Variants in ANP32B observed in about 807,000 individuals in gnomAD.
ANP32B encodes acidic leucine-rich nuclear phosphoprotein 32 family member B.
Under a neutral mutation model 32.2 loss-of-function variants are expected in ANP32B, and 6 were observed. The ratio of observed to expected loss-of-function variants is 0.19; its 90% CI spans 0.10 to 0.37. The LOEUF (loss-of-function observed/expected upper bound fraction) is 0.37. ANP32B is among the 10% of genes least tolerant of loss of function. ANP32B has a pLI of 1.00. For missense variants in ANP32B, 204 were observed against 289.2 expected, an observed-to-expected ratio of 0.71 and a Z score of 2.14; for synonymous variants, 98 against 105.8, an observed-to-expected ratio of 0.93 and a Z score of 0.45.
intron 6 of ANP32B, among the ~76,000 whole-genome samples, chr9:98,012,923 G>A (rs1221546526): frequency 6.6e-6 from 1 of 152,194 alleles, no homozygotes; most frequent in Non-Finnish European, 1.5e-5. Context: ...GTAGAGACGG[G>A]GTTTCACCGT....
At chr9:98,013,015 C>T (rs1828214360) in intron 6 of ANP32B, among the ~76,000 whole-genome samples, 1 of 152,204 alleles carries the variant, frequency 6.6e-6, no homozygotes, top group African/African-American at 2.4e-5. Flanking sequence ...CAGGCGTGAG[C>T]CACCACACCC....
intron 1 of ANP32B, chr9:97,986,865 A>T (rs1456499032): frequency 6.6e-6 from 1 of 152,266 alleles, no homozygotes; most frequent in African/African-American, 2.4e-5. Context: ...TTTTAAAGTC[A>T]AGTGAGATTT....
rs115385523 is a variant in ANP32B at position 97,996,141 on chromosome 9, A to G, written c.204+1361A>G. Among the ~76,000 whole-genome samples the G allele has an allele frequency of 5.4e-3, 826 of 152,288 alleles. 13 individuals are homozygous for G. Among genetic ancestry groups the G allele is most frequent in the African/African-American group, 0.019 (789 of 41,560 alleles). ...TTCTTTTATATTTGCATGGGTTATCAGTGACATTGGAAGCTCTGATTAGCC... is the reference window on the plus strand; with the variant it reads ...TTCTTTTATATTTGCATGGGTTATCGGTGACATTGGAAGCTCTGATTAGCC... On this transcript the variant is annotated intron_variant, in intron 2 of 6. Transcript: ENST00000339399.
intron 1 of ANP32B, among the ~76,000 whole-genome samples, chr9:97,988,313 T>A (rs1171108729): frequency 6.6e-6 from 1 of 152,206 alleles, no homozygotes; most frequent in Non-Finnish European, 1.5e-5. Context: ...TTTTTCCATC[T>A]GCCAGATTGC....
intron 3 of ANP32B, among the ~76,000 whole-genome samples, chr9:98,002,078 C>G (rs1194123057): frequency 1.3e-5 from 2 of 152,176 alleles, no homozygotes; most frequent in Non-Finnish European, 2.9e-5. Context: ...TCCTGAAGTT[C>G]TAACTTGGAA....
chr9:98,005,043 T>G lies in ANP32B; in HGVS notation c.407T>G (p.Phe136Cys). 3 of 1,614,004 alleles carry G rather than the reference T, an allele frequency of 1.9e-6. No homozygotes were observed. Among genetic ancestry groups the G allele is most frequent in the Non-Finnish European group, 2.5e-6 (3 of 1,179,990 alleles). ...CTGAATGACTACCGAGAGAGTGTCT[T>G]CAAGCTCCTGCCCCAGCTTACCTAC... ...TNLNDYRESV[F>C]KLLPQLTYLD... Residue 136 changes from phenylalanine to cysteine, a missense_variant, in exon 4 of 7, where the codon TTC (phenylalanine) becomes TGC (cysteine). Physicochemically the swap from Phe to Cys is radical, Grantham distance 205. Transcript: ENST00000339399.
At chr9:97,997,518 A>C (rs1827925371) in intron 2 of ANP32B, among the ~76,000 whole-genome samples, 1 of 152,244 alleles carries the variant, frequency 6.6e-6, no homozygotes, top group African/African-American at 2.4e-5. Context: ...GCCTGGCTTC[A>C]AATCATAGGC....
chr9:98,003,605 C>T (rs1828030122), intron 3 of ANP32B, among the ~76,000 whole-genome samples: 1 of 152,182 alleles, frequency 6.6e-6, no homozygotes, highest in Non-Finnish European at 1.5e-5. Flanking sequence ...TTTATATCTC[C>T]TCAGAACTAC....
At position 98,006,108 on chromosome 9, in the gene ANP32B, A is replaced by T. The variant is rs532026803; in HGVS notation, c.517+955A>T. Among the ~76,000 whole-genome samples, 9 of 152,234 alleles carry T rather than the reference A, an allele frequency of 5.9e-5. No homozygotes were observed. The South Asian group carries it at 1.9e-3, about 32-fold the overall frequency. On this transcript the variant is annotated intron_variant, in intron 4 of 6. Transcript: ENST00000339399. ...GATCCGAGGTGGAGCTGAGGTGGTG[A>T]TGCTAGAGCTGAGGTGGTGATGCTA...
At chr9:98,008,749 A>G (rs533550707) in intron 4 of ANP32B, among the ~76,000 whole-genome samples, 18 of 152,332 alleles carry the variant, frequency 1.2e-4, no homozygotes, top group African/African-American at 4.1e-4. Flanking sequence ...GTCTAGTTGC[A>G]GGGAAAACAA....
rs1828259368 is a variant in ANP32B, at chr9:98,015,455, A to G, written c.*24A>G. The G allele has an allele frequency of 6.5e-7, 1 of 1,549,226 alleles. No individual in the cohort carries two copies. Among genetic ancestry groups the G allele is most frequent in the East Asian group, 2.4e-5 (1 of 40,882 alleles). ...AAGACCCCAGATGACCTGCAGAAACAGAACTGTTCAGTATTGGTTGGACTG... is the reference window on the plus strand; with the variant it reads ...AAGACCCCAGATGACCTGCAGAAACGGAACTGTTCAGTATTGGTTGGACTG... On this transcript the variant is annotated 3_prime_UTR_variant, in exon 7 of 7. Transcript: ENST00000339399.
chr9:97,990,387 C>T (rs961276668), intron 1 of ANP32B, among the ~76,000 whole-genome samples: 4 of 152,212 alleles, frequency 2.6e-5, no homozygotes, highest in African/African-American at 9.7e-5. Context: ...AACATTTAGA[C>T]CTGCTATCCT....
At chr9:97,984,409 G>A (rs1252565550) in intron 1 of ANP32B, among the ~76,000 whole-genome samples, 1 of 151,462 alleles carries the variant, frequency 6.6e-6, no homozygotes, top group Admixed American at 6.6e-5. Context: ...CCTCCCAGGG[G>A]CAGCCCGGGT....
chr9:97,997,505 C>T (rs1432833241), intron 2 of ANP32B, among the ~76,000 whole-genome samples: 1 of 152,158 alleles, frequency 6.6e-6, no homozygotes, highest in Non-Finnish European at 1.5e-5. Context: ...ATGAAGCCAG[C>T]CTGCCTGGCT....
intron 1 of ANP32B, among the ~76,000 whole-genome samples, chr9:97,986,197 A>AC (rs1472836153): frequency 6.6e-6 from 1 of 152,262 alleles, no homozygotes; most frequent in African/African-American, 2.4e-5. Context: ...TTAAATTAAA[A>AC]CATTTTCTCT....
intron 1 of ANP32B, among the ~76,000 whole-genome samples, chr9:97,984,352 C>T (rs1165541388): frequency 2.0e-5 from 3 of 151,390 alleles, no homozygotes; most frequent in African/African-American, 7.3e-5. Flanking sequence ...AAAACTTTCT[C>T]CCCCGTTCTC....
At chr9:97,988,686 C>T (rs896559717) in intron 1 of ANP32B, among the ~76,000 whole-genome samples, 13 of 152,202 alleles carry the variant, frequency 8.5e-5, no homozygotes, top group African/African-American at 3.1e-4. Context: ...GATAACACCA[C>T]TTCACTCCAG....
intron 4 of ANP32B, among the ~76,000 whole-genome samples, chr9:98,010,262 GTTT>G (rs10709205): frequency 1.8e-4 from 25 of 138,822 alleles, no homozygotes; most frequent in East Asian, 4.3e-4. Flanking sequence ...GAGAAATGGT[GTTT>G]TTTTTTTTTT....
intron 2 of ANP32B, among the ~76,000 whole-genome samples, chr9:97,995,045 A>C (rs1827882389): frequency 6.6e-6 from 1 of 152,228 alleles, no homozygotes; most frequent in South Asian, 2.1e-4. Flanking sequence ...GAAATAATGC[A>C]TGTTGGGTGC....
Sources: allele counts gnomAD v4.1 joint callset (sites outside exome capture counted in the v4.1 genomes callset), GRCh38; gene constraint gnomAD v4.1.1; transcripts MANE v1.5; gene names NCBI Gene and HGNC (gene_info 2026-07-23, HGNC 2026-07-21).